LMTK2: variants seen among roughly 807,000 people sequenced by gnomAD.
The protein encoded by LMTK2 is serine/threonine-protein kinase LMTK2.
Under a neutral mutation model 127.5 loss-of-function variants are expected in LMTK2, and 37 were observed. The ratio of observed to expected loss-of-function variants is 0.29; its 90% confidence interval spans 0.22 to 0.38. The LOEUF is 0.38. Ranked by LOEUF, LMTK2 falls within the 10% of genes least tolerant of loss-of-function variation. The probability of loss-of-function intolerance (pLI) is 1.00; values close to 1 mark genes in which losing one functional copy is unlikely to be tolerated. For missense variants in LMTK2, 1,694 were observed against 1,920.3 expected, an observed-to-expected ratio of 0.88 and a Z score of 2.20; for synonymous variants, 819 against 810.1, an observed-to-expected ratio of 1.01 and a Z score of -0.19.
intron 4 of LMTK2, among the ~76,000 whole-genome samples, chr7:98,153,020 G>A (rs1796879079): frequency 6.6e-6 from 1 of 152,170 alleles, no homozygotes; most frequent in African/African-American, 2.4e-5. Flanking sequence ...GAAGAATGGA[G>A]TTGCTGTCAA....
At chr7:98,141,683 C>G in intron 3 of LMTK2, 142 bp downstream of exon 3, 1 of 826,536 alleles carries the variant, frequency 1.2e-6, no homozygotes, top group Non-Finnish European at 2.0e-6. Flanking sequence ...AAGCTGAATT[C>G]TAGTGGTCAG....
At chr7:98,151,653 A>T (rs1387193712) in intron 4 of LMTK2, among the ~76,000 whole-genome samples, 198 bp downstream of exon 4, 2 of 152,228 alleles carry the variant, frequency 1.3e-5, no homozygotes, top group African/African-American at 4.8e-5. Flanking sequence ...TCCAGAAAGG[A>T]TGTCTTACGG....
At chr7:98,129,956 T>C (rs1796498494) in intron 1 of LMTK2, among the ~76,000 whole-genome samples, 1 of 152,068 alleles carries the variant, frequency 6.6e-6, no homozygotes, top group African/African-American at 2.4e-5. Context: ...ACAGATTCCA[T>C]GGGCCGATGC....
chr7:98,156,533 A>G (rs1381078100), intron 5 of LMTK2, among the ~76,000 whole-genome samples: 1 of 152,234 alleles, frequency 6.6e-6, no homozygotes, highest in Admixed American at 6.5e-5. Flanking sequence ...TGGAGAAACT[A>G]GATCCCTCAT....
chr7:98,129,319 G>A (rs192930644), intron 1 of LMTK2, among the ~76,000 whole-genome samples: 55 of 152,142 alleles, frequency 3.6e-4, no homozygotes, highest in African/African-American at 1.2e-3. Context: ...TGGGATTACA[G>A]GCATGAGCCG....
At chr7:98,142,882 G>A (rs1032273692) in intron 3 of LMTK2, among the ~76,000 whole-genome samples, 1 of 152,200 alleles carries the variant, frequency 6.6e-6, no homozygotes, top group African/African-American at 2.4e-5. Context: ...AGGGAGGTTG[G>A]CTGCCAGCAG....
rs199600469 is a variant in LMTK2 at position 98,194,408 on chromosome 7, G to A, written c.3943G>A (p.Glu1315Lys). The change falls in exon 11 of 14, where the codon GAG becomes AAG. Residue 1315 changes from glutamate to lysine, a missense_variant. Transcript: ENST00000297293. The surrounding 1 kb of genome is among the most constrained non-coding windows in gnomAD (Gnocchi z 5.4). ...CAGCTCCGAGTCGGAGGACGAGACC[G>A]AGCACCCCGTGCCCATCATCCTCAG... ...SLSSESEDET[E>K]HPVPIILSNE... 2.1e-4 allele frequency: 339 copies of A among 1,614,128 alleles called. 9 individuals carry two copies. The South Asian group carries it at 3.4e-3, about 16-fold the overall frequency.
Position 98,193,800 on chromosome 7 carries a change from A to C in LMTK2, c.3335A>C (p.Glu1112Ala), listed in dbSNP as rs558046567. The C allele has an allele frequency of 1.2e-6, 2 of 1,613,928 alleles. No individual in the cohort carries two copies. Among genetic ancestry groups the C allele is most frequent in the East Asian group, 2.2e-5 (1 of 44,860 alleles). Reference protein sequence around the residue: ...DSAYFSDNDSEPEKRSEEVPG... With the variant: ...DSAYFSDNDSAPEKRSEEVPG... ...GCGTACTTCTCAGACAATGACTCTG[A>C]GCCCGAGAAAAGGTCTGAGGAGGTC... The change falls in exon 11 of 14, where the codon GAG (glutamate) becomes GCG (alanine). Residue 1112 changes from glutamate to alanine, a missense_variant. Transcript: ENST00000297293. This position sits in a 1 kb window ranked among gnomAD's most constrained non-coding sequence, Gnocchi z 4.1.
intron 3 of LMTK2, among the ~76,000 whole-genome samples, chr7:98,144,339 A>G (rs1421895156): frequency 6.6e-6 from 1 of 151,956 alleles, no homozygotes; most frequent in Non-Finnish European, 1.5e-5. Flanking sequence ...AGGCTGAGAC[A>G]GGAGAATGGC....
intron 6 of LMTK2, among the ~76,000 whole-genome samples, chr7:98,169,881 G>A (rs762921054): frequency 2.0e-5 from 3 of 152,200 alleles, no homozygotes; most frequent in South Asian, 2.1e-4. Flanking sequence ...AAGGCACCAC[G>A]TTTGGAAGGA....
intron 1 of LMTK2, among the ~76,000 whole-genome samples, chr7:98,118,443 A>G (rs1265053346): frequency 6.6e-6 from 1 of 152,226 alleles, no homozygotes; most frequent in African/African-American, 2.4e-5. Context: ...GTAAAAGTTC[A>G]GATGAAATTT....
At chr7:98,188,829 G>C (rs1797477281) in intron 9 of LMTK2, among the ~76,000 whole-genome samples, 1 of 152,168 alleles carries the variant, frequency 6.6e-6, no homozygotes, top group African/African-American at 2.4e-5. Flanking sequence ...TGAGCTTCCT[G>C]GATCTGGATG....
At chr7:98,176,849 T>C (rs1041175645) in intron 7 of LMTK2, among the ~76,000 whole-genome samples, 1 of 152,066 alleles carries the variant, frequency 6.6e-6, no homozygotes, top group Non-Finnish European at 1.5e-5. Context: ...TCCATCTCAA[T>C]AATAATAATG....
intron 5 of LMTK2, among the ~76,000 whole-genome samples, chr7:98,156,359 G>A (rs1035121039): frequency 3.9e-5 from 6 of 152,030 alleles, no homozygotes; most frequent in African/African-American, 1.5e-4. Flanking sequence ...CAGCTACTTG[G>A]GAGGCTGAGG....
intron 10 of LMTK2, 70 bp downstream of exon 10, chr7:98,190,947 T>C: frequency 7.0e-7 from 1 of 1,434,716 alleles, no homozygotes; most frequent in Non-Finnish European, 9.7e-7. Context: ...CACAAAAAAA[T>C]TCGTGGGCCA....
intron 1 of LMTK2, among the ~76,000 whole-genome samples, chr7:98,110,523 GT>G (rs1796186983): frequency 6.6e-6 from 1 of 152,158 alleles, no homozygotes; most frequent in Admixed American, 6.5e-5. Flanking sequence ...TTCACACCCA[GT>G]TAAATTGCCA....
Position 98,209,017 on chromosome 7 carries a change from C to T in LMTK2, c.*3525C>T, listed in dbSNP as rs1256716071. The T allele has an allele frequency of 6.6e-6, 1 of 152,176 alleles. No homozygotes were observed. Among genetic ancestry groups the T allele is most frequent in the Non-Finnish European group, 1.5e-5 (1 of 68,038 alleles). 9.4% of individuals were successfully genotyped at this position (152,176 alleles called of 1,614,324 possible). On this transcript the variant is annotated 3_prime_UTR_variant, in exon 14 of 14. Transcript: ENST00000297293. Reference sequence around the variant, plus strand: ...GAAGGCAGCGCCTGCTCTTCCTTAACTCAGCCCATCATCTGAAAATTCAGA... The same window carrying T: ...GAAGGCAGCGCCTGCTCTTCCTTAATTCAGCCCATCATCTGAAAATTCAGA...
At chr7:98,172,419 G>A (rs1398962218) in intron 7 of LMTK2, among the ~76,000 whole-genome samples, 4 of 150,208 alleles carry the variant, frequency 2.7e-5, no homozygotes, top group South Asian at 2.1e-4. Context: ...TTGAATGACC[G>A]TAGTTCTTTG....
intron 3 of LMTK2, among the ~76,000 whole-genome samples, chr7:98,149,110 G>GT (rs1299428119): frequency 6.6e-6 from 1 of 152,206 alleles, no homozygotes. Context: ...TGATAGAATT[G>GT]TGAGTTACGT....
Sources: allele counts gnomAD v4.1 joint callset (sites outside exome capture counted in the v4.1 genomes callset), GRCh38; gene constraint gnomAD v4.1.1; non-coding constraint Gnocchi (gnomAD v3.1); transcripts MANE v1.5; gene names NCBI Gene and HGNC (gene_info 2026-07-23, HGNC 2026-07-21).